Variants in LRRTM3 observed in about 807,000 individuals in gnomAD.
The protein encoded by LRRTM3 is leucine-rich repeat transmembrane neuronal protein 3.
In LRRTM3, 24 loss-of-function variants were observed where a neutral mutation model predicts 44.7. That is an observed-to-expected ratio of 0.54 (90% CI 0.39 to 0.76). The LOEUF (loss-of-function observed/expected upper bound fraction) is 0.76. Ranked by LOEUF, LRRTM3 falls within the 30% of genes least tolerant of loss-of-function variation. The pLI is 0.00. For missense variants in LRRTM3, 587 were observed against 702.2 expected (o/e 0.84, Z 1.85); for synonymous variants, 277 against 278.7 (o/e 0.99, Z 0.06).
chr10:67,044,954 G>A (rs764950638), intron 2 of LRRTM3, among the ~76,000 whole-genome samples: 38 of 152,118 alleles, frequency 2.5e-4, no homozygotes, highest in Non-Finnish European at 4.9e-4. Flanking sequence ...AAGTAAATAA[G>A]ATTTGATATT....
rs939124750 is a variant in LRRTM3 at position 66,926,311 on chromosome 10, C to G, written c.-273C>G. 2 of 514,128 alleles carry G rather than the reference C, an allele frequency of 3.9e-6. No homozygotes were observed. Among genetic ancestry groups the G allele is most frequent in the Non-Finnish European group, 7.0e-6 (2 of 283,934 alleles). The allele number at this position is 514,128 out of a possible 1,614,324, so 31.8% of individuals were successfully genotyped here. A position where few individuals can be genotyped will look rare whatever the true frequency, so the allele number is the denominator to read the frequency against. On this transcript the variant is annotated 5_prime_UTR_variant, in exon 1 of 3. Transcript: ENST00000361320. ...CACCCCCCAAAAAACTGTAAAGATG[C>G]AAAAACGTAATATCCATGAAGATCC...
At chr10:67,023,873 A>C (rs551226801) in intron 2 of LRRTM3, among the ~76,000 whole-genome samples, 7 of 152,320 alleles carry the variant, frequency 4.6e-5, no homozygotes, top group African/African-American at 1.7e-4. Flanking sequence ...GTAGAATGAC[A>C]CTCAATACTT....
chr10:67,068,299 A>C (rs768194490), intron 2 of LRRTM3, among the ~76,000 whole-genome samples: 1 of 152,186 alleles, frequency 6.6e-6, no homozygotes, highest in Non-Finnish European at 1.5e-5. Context: ...TAAAACACAT[A>C]TAGATGGTGA....
intron 2 of LRRTM3, among the ~76,000 whole-genome samples, chr10:67,030,111 T>C (rs1002763149): frequency 6.6e-5 from 10 of 152,360 alleles, no homozygotes; most frequent in African/African-American, 2.4e-4. Flanking sequence ...AAATAATCTG[T>C]TTTCAAAGTT....
At chr10:66,951,333 C>T (rs769633680) in intron 2 of LRRTM3, among the ~76,000 whole-genome samples, 4 of 152,126 alleles carry the variant, frequency 2.6e-5, no homozygotes, top group Non-Finnish European at 5.9e-5. Context: ...CCAGGCTGGT[C>T]TCAAACTCCT....
chr10:67,089,459 G>C (rs1462502866), intron 2 of LRRTM3, among the ~76,000 whole-genome samples: 1 of 151,802 alleles, frequency 6.6e-6, no homozygotes. Context: ...TTAACCATTG[G>C]AATGCTAAAG....
intron 2 of LRRTM3, among the ~76,000 whole-genome samples, chr10:66,936,821 G>A (rs569193366): frequency 1.6e-4 from 24 of 152,252 alleles, no homozygotes; most frequent in Middle Eastern, 3.4e-3. Context: ...CTCCCAGAGT[G>A]AGAGCAGGAT....
intron 2 of LRRTM3, among the ~76,000 whole-genome samples, chr10:67,019,281 T>C (rs1171836461): frequency 3.9e-5 from 6 of 152,172 alleles, no homozygotes; most frequent in African/African-American, 1.4e-4. Context: ...TGTAATGGCG[T>C]TATCTTGGCT....
chr10:67,065,410 C>G (rs944223771), intron 2 of LRRTM3, among the ~76,000 whole-genome samples: 3 of 151,848 alleles, frequency 2.0e-5, no homozygotes, highest in African/African-American at 7.3e-5. Flanking sequence ...TTTTCTCAAC[C>G]CTTTACATAA....
chr10:67,037,456 T>C (rs1238742116), intron 2 of LRRTM3, among the ~76,000 whole-genome samples: 1 of 152,108 alleles, frequency 6.6e-6, no homozygotes, highest in East Asian at 1.9e-4. Context: ...TATTAATTAT[T>C]AAAATTTCTT....
At chr10:67,061,379 T>C (rs1346123012) in intron 2 of LRRTM3, among the ~76,000 whole-genome samples, 1 of 152,198 alleles carries the variant, frequency 6.6e-6, no homozygotes, top group Non-Finnish European at 1.5e-5. Context: ...GTTTGGTTCA[T>C]CAGCAAAGTA....
At chr10:66,976,482 A>G (rs978024994) in intron 2 of LRRTM3, among the ~76,000 whole-genome samples, 1 of 152,146 alleles carries the variant, frequency 6.6e-6, no homozygotes, top group African/African-American at 2.4e-5. Context: ...GATTACTCCA[A>G]TAGCCTCATT....
At chr10:66,996,277 T>C (rs1360556515) in intron 2 of LRRTM3, among the ~76,000 whole-genome samples, 1 of 152,218 alleles carries the variant, frequency 6.6e-6, no homozygotes, top group Admixed American at 6.5e-5. Flanking sequence ...ATTATCTATC[T>C]AACTTAGTAG....
At chr10:67,045,800 C>A (rs975292072) in intron 2 of LRRTM3, among the ~76,000 whole-genome samples, 1 of 152,156 alleles carries the variant, frequency 6.6e-6, no homozygotes. Flanking sequence ...TTACTCTATA[C>A]CACATTGCTA....
At chr10:66,946,251 A>G (rs116372441) in intron 2 of LRRTM3, among the ~76,000 whole-genome samples, 1 of 152,194 alleles carries the variant, frequency 6.6e-6, no homozygotes, top group African/African-American at 2.4e-5. Context: ...TTGGAATCCA[A>G]TGATAATTAT....
At chr10:67,039,661 A>T (rs569905960) in intron 2 of LRRTM3, among the ~76,000 whole-genome samples, 1 of 152,250 alleles carries the variant, frequency 6.6e-6, no homozygotes, top group African/African-American at 2.4e-5. Context: ...ATTAAAAATC[A>T]TGACAGAACA....
chr10:67,068,206 A>G (rs763434724), intron 2 of LRRTM3, among the ~76,000 whole-genome samples: 14 of 152,324 alleles, frequency 9.2e-5, no homozygotes, highest in Non-Finnish European at 1.5e-4. Context: ...TTAGAAAAGA[A>G]GGTGGATTGG....
chr10:66,958,038 G>A (rs994176788), intron 2 of LRRTM3, among the ~76,000 whole-genome samples: 6 of 151,988 alleles, frequency 3.9e-5, no homozygotes, highest in Non-Finnish European at 7.4e-5. Context: ...GGGGCCAAAA[G>A]CAGTTATTGA....
intron 2 of LRRTM3, among the ~76,000 whole-genome samples, chr10:67,038,870 TAATA>T (rs924570966): frequency 3.7e-4 from 57 of 152,046 alleles, no homozygotes; most frequent in Non-Finnish European, 1.2e-4. Flanking sequence ...TATGTTATAA[TAATA>T]CATACAAATT....
Sources: gnomAD v4.1 joint callset for allele counts (sites outside exome capture counted in the v4.1 genomes callset) on GRCh38, gnomAD v4.1.1 for gene constraint, MANE v1.5 for transcripts, NCBI Gene and HGNC (gene_info 2026-07-23, HGNC 2026-07-21) for gene names.